The following RNF44 variants were observed in gnomAD, a reference collection of about 807,000 sequenced individuals.
RNF44 encodes ring finger protein 44.
RNF44 carries 25 observed loss-of-function variants against 53.6 expected under a neutral mutation model. The ratio of observed to expected loss-of-function variants is 0.47; its 90% confidence interval spans 0.34 to 0.65. The LOEUF is 0.65. Among genes scored for constraint, RNF44 ranks in the 30% least tolerant of loss-of-function variants. RNF44 has a pLI of 0.01. For missense variants in RNF44, 581 were observed against 595.5 expected, an observed-to-expected ratio of 0.98 and a Z score of 0.25; for synonymous variants, 282 against 252.2, an observed-to-expected ratio of 1.12 and a Z score of -1.12.
chr5:176,532,641 G>A (rs1426351657), intron 1 of RNF44, 125 bp from the exon 2 acceptor site: 5 of 758,186 alleles, frequency 6.6e-6, no homozygotes, highest in African/African-American at 1.8e-5. Flanking sequence ...TACTTGGGAG[G>A]CTGAGGCATG....
Position 176,531,345 on chromosome 5 carries a change from G to T in RNF44, c.465+118C>A. On this transcript the variant is annotated intron_variant, in intron 4 of 10. Transcript: ENST00000274811. This position sits in a 1 kb window ranked among gnomAD's most constrained non-coding sequence, Gnocchi z 4.2. ...CCTGGGGAGGCCAGGCAGGCGCTCT[G>T]ACAGCCTGGATGGCTGGATAGCTCA... The T allele has an allele frequency of 2.9e-6, 3 of 1,028,996 alleles. No individual in the cohort carries two copies. Among genetic ancestry groups the T allele is most frequent in the South Asian group, 1.7e-5 (1 of 59,968 alleles). 63.7% of individuals were successfully genotyped at this position (1,028,996 alleles called of 1,614,324 possible). A position where few individuals can be genotyped will look rare whatever the true frequency, so the allele number is the denominator to read the frequency against.
intron 1 of RNF44, chr5:176,536,352 TC>T: frequency 6.6e-6 from 1 of 151,944 alleles, no homozygotes; most frequent in Non-Finnish European, 1.5e-5. Context: ...ACCAGAAGAG[TC>T]CAGAAGAAAC....
At position 176,531,913 on chromosome 5, in the gene RNF44, G is replaced by A. The variant is rs1256714626; in HGVS notation, c.297+91C>T. 2.2e-6 allele frequency: 3 copies of A among 1,372,552 alleles called. No individual in the cohort carries two copies. Among genetic ancestry groups the A allele is most frequent in the Non-Finnish European group, 3.0e-6 (3 of 1,012,932 alleles). 85.0% of individuals were successfully genotyped at this position (1,372,552 alleles called of 1,614,324 possible). On this transcript the variant is annotated intron_variant, in intron 3 of 10. Transcript: ENST00000274811. The surrounding 1 kb of genome is among the most constrained non-coding windows in gnomAD (Gnocchi z 4.2). ...ATAATGCCTCCCTGGAACGTGAAAT[G>A]AAGCAAGCTAGGTGAAATCTAGGCC... is the stretch of plus-strand genomic sequence containing the variant.
At chr5:176,539,274 A>G (rs899038313), upstream of RNF44, among the ~76,000 whole-genome samples, 4 of 152,234 alleles carry the variant, frequency 2.6e-5, no homozygotes, top group Admixed American at 6.5e-5. Context: ...TTACATGTGC[A>G]TGAGAATAAG....
At chr5:176,540,102 C>T (rs1757414471), upstream of RNF44, among the ~76,000 whole-genome samples, 1 of 152,164 alleles carries the variant, frequency 6.6e-6, no homozygotes, top group East Asian at 1.9e-4. Flanking sequence ...CTAGATGCAC[C>T]CCAGCCTTTA....
rs1279491774 is a variant in RNF44 at position 176,531,762 on chromosome 5, G to A, written c.298-132C>T. 6 of 995,582 alleles carry A rather than the reference G, an allele frequency of 6.0e-6. No homozygotes were observed. Among genetic ancestry groups the A allele is most frequent in the Non-Finnish European group, 8.7e-6 (6 of 691,430 alleles). 61.7% of individuals were successfully genotyped at this position (995,582 alleles called of 1,614,324 possible). A position where few individuals can be genotyped will look rare whatever the true frequency, so the allele number is the denominator to read the frequency against. The stretch of plus-strand genomic sequence containing the variant: ...CTCCACGGCGGCCTACCTCAGTGCA[G>A]ACCAGACTGTGCCTCTACTCCCAGG... On this transcript the variant is annotated intron_variant, in intron 3 of 10. Transcript: ENST00000274811. This position sits in a 1 kb window ranked among gnomAD's most constrained non-coding sequence, Gnocchi z 4.2.
At chr5:176,543,100 C>A in the RNF44 span, among the ~76,000 whole-genome samples, 1 of 150,940 alleles carries the variant, frequency 6.6e-6, no homozygotes, top group Non-Finnish European at 1.5e-5. The surrounding 1 kb of genome is among the most constrained non-coding windows in gnomAD (Gnocchi z 4.0). Context: ...CTCCCGCTGC[C>A]GGGCCCGGGA....
At chr5:176,540,988 G>A (rs1284169951), upstream of RNF44, among the ~76,000 whole-genome samples, 10 of 152,204 alleles carry the variant, frequency 6.6e-5, no homozygotes, top group Admixed American at 6.5e-4. Context: ...CCCTGCTGTG[G>A]GGACGTGGCC....
chr5:176,529,638 G>A lies in RNF44; in HGVS notation c.1021C>T (p.Leu341=), dbSNP rs749584559. 1.2e-6 allele frequency: 2 copies of A among 1,613,866 alleles called. No individual in the cohort carries two copies. The highest frequency in any genetic ancestry group is 1.1e-5 in the South Asian group (1 of 91,080). The change falls in exon 9 of 11, where the codon CTG becomes TTG. Residue 341 remains leucine (L), a synonymous_variant. Coordinates refer to ENST00000274811, the MANE Select transcript of RNF44 (RefSeq NM_014901.5). ...TCTCCCAGCCGCTCGGCCAGGTTCA[G>A]GAGGGCCTGCATGCGGGCAGGAGAC... ...DVEMENYEAL[L]NLAERLGDAK...
At chr5:176,539,466 G>GATCACAAGGTCAGGAGTTTGAGACC (rs1179841045), upstream of RNF44, among the ~76,000 whole-genome samples, 1 of 152,184 alleles carries the variant, frequency 6.6e-6, no homozygotes, top group African/African-American at 2.4e-5. Context: ...CAGGCGGGCA[G>GATCACAAGGTCAGGAGTTTGAGACC]ATCACAAGGT....
At position 176,532,170 on chromosome 5, in the gene RNF44, G is replaced by C. The variant is rs1382871440; in HGVS notation, c.131C>G (p.Ala44Gly). Residue 44 changes from alanine (A) to glycine (G), a missense_variant, in exon 3 of 11, where the codon GCC (alanine) becomes GGC (glycine). By Grantham distance (60) the Ala-to-Gly change is moderately conservative. Around this residue, in one of 3 missense-constraint regions of RNF44, gnomAD observed 387 missense variants for 366.0 expected, o/e 1.06. Coordinates refer to ENST00000274811, the MANE Select transcript of RNF44 (RefSeq NM_014901.5). ...GCGCTCATCCCGGGCAGGCGGGCTG[G>C]CCAGGGGGCCCTCGAGGCCAGGGCT... The part of the protein sequence containing the change: ...WGSPGLEGPL[A>G]SPPARDERLP... 1.3e-6 allele frequency: 2 copies of C among 1,543,346 alleles called. No individual in the cohort carries two copies. Among genetic ancestry groups the C allele is most frequent in the Admixed American group, 4.3e-5 (2 of 46,828 alleles).
chr5:176,538,965 C>G (rs551320575), upstream of RNF44, among the ~76,000 whole-genome samples: 4 of 152,174 alleles, frequency 2.6e-5, no homozygotes, highest in Non-Finnish European at 5.9e-5. Flanking sequence ...TTTAAAAACC[C>G]TATGCATTAT....
At chr5:176,529,699 A>C in intron 8 of RNF44, 32 bp downstream of exon 8, 1 of 1,609,794 alleles carries the variant, frequency 6.2e-7, no homozygotes, top group Non-Finnish European at 8.5e-7. Context: ...GGTCTCCCAA[A>C]CCCCACCTCC....
upstream of RNF44, among the ~76,000 whole-genome samples, chr5:176,540,794 A>G (rs1011430021): frequency 2.6e-5 from 4 of 152,260 alleles, no homozygotes; most frequent in South Asian, 2.1e-4. Context: ...CCAGAGACCA[A>G]TAACACATCT....
intron 1 of RNF44, among the ~76,000 whole-genome samples, chr5:176,535,472 G>C (rs1757068049): frequency 6.6e-6 from 1 of 152,188 alleles, no homozygotes; most frequent in Admixed American, 6.5e-5. Flanking sequence ...CCAGGAACAG[G>C]GGTGGCGTAG....
Position 176,528,612 on chromosome 5 carries a change from G to A in RNF44, c.*416C>T, listed in dbSNP as rs994606959. Reference sequence around the variant, plus strand: ...CGCACCTGGCAGTGCCACCTGGGCAGAGGGCACGCCATTTCAGAGCATGAG... The same window carrying A: ...CGCACCTGGCAGTGCCACCTGGGCAAAGGGCACGCCATTTCAGAGCATGAG... On this transcript the variant is annotated 3_prime_UTR_variant, in exon 11 of 11. Transcript: ENST00000274811. 9.5e-6 allele frequency: 2 copies of A among 210,998 alleles called. No homozygotes were observed. The highest frequency in any genetic ancestry group is 4.7e-5 in the African/African-American group (2 of 42,964). 13.1% of individuals were successfully genotyped at this position (210,998 alleles called of 1,614,324 possible).
upstream of RNF44, among the ~76,000 whole-genome samples, chr5:176,539,901 T>C (rs1449281059): frequency 6.6e-6 from 1 of 152,168 alleles, no homozygotes; most frequent in Non-Finnish European, 1.5e-5. Flanking sequence ...GTGCTTCGTC[T>C]GGCTTTCTCT....
chr5:176,531,838 G>T lies in RNF44; in HGVS notation c.297+166C>A. On this transcript the variant is annotated intron_variant, in intron 3 of 10. Transcript: ENST00000274811. The surrounding 1 kb of genome is among the most constrained non-coding windows in gnomAD (Gnocchi z 4.2). ...GGAATCTAGCTCTGCTAGTCACCCA[G>T]TGTGGCCCTTTCCCCGGGCCTCAGT... 1 of 872,606 alleles carries T rather than the reference G, an allele frequency of 1.1e-6. No homozygotes were observed. 54.1% of individuals were successfully genotyped at this position (872,606 alleles called of 1,614,324 possible).
chr5:176,529,995 GC>G, intron 7 of RNF44, 86 bp downstream of exon 7: 5 of 1,468,640 alleles, frequency 3.4e-6, no homozygotes, highest in Non-Finnish European at 4.5e-6. Context: ...AGGCCCTGGG[GC>G]CCCTGGAGCT....
Sources: gnomAD v4.1 joint callset for allele counts (sites outside exome capture counted in the v4.1 genomes callset) on GRCh38, gnomAD v4.1.1 for gene constraint, gnomAD v4.1.1 regional missense constraint, Gnocchi (gnomAD v3.1) non-coding constraint, MANE v1.5 for transcripts, NCBI Gene and HGNC (gene_info 2026-07-23, HGNC 2026-07-21) for gene names.